Variants in STOX1 observed in about 807,000 individuals in gnomAD.
STOX1 encodes storkhead box 1.
A neutral mutation model predicts 74.8 loss-of-function variants in STOX1; 57 were observed. The ratio of observed to expected loss-of-function variants is 0.76; its 90% confidence interval spans 0.62 to 0.95. STOX1 has a LOEUF of 0.95. Among genes scored for constraint, STOX1 ranks in the 40% least tolerant of loss-of-function variants. The pLI, the probability that STOX1 is intolerant of heterozygous loss-of-function variation, is 0.00. For synonymous variants in STOX1, 375 were observed against 401.3 expected (o/e 0.93, Z 0.78); for missense variants, 1,010 against 1,117.0 (o/e 0.90, Z 1.37).
chr10:68,855,866 G>C (rs34199438), intron 1 of STOX1, among the ~76,000 whole-genome samples: 3 of 152,060 alleles, frequency 2.0e-5, no homozygotes, highest in Non-Finnish European at 4.4e-5. Flanking sequence ...CTTGTTTTCA[G>C]AGGGACTTCC....
At chr10:68,858,648 A>G (rs1468283029) in intron 1 of STOX1, among the ~76,000 whole-genome samples, 2 of 152,096 alleles carry the variant, frequency 1.3e-5, no homozygotes, top group Non-Finnish European at 2.9e-5. Flanking sequence ...AAACTCAGTG[A>G]TGCTTTCCAG....
At position 68,885,827 on chromosome 10, in the gene STOX1, C is replaced by G. The variant is rs549672857; in HGVS notation, c.2031C>G (p.Gly677=). ...TTGGCCTTTTGGATTACCCAGTTGG[C>G]GTGAACCCTTTAAGACAAGCTGCAA... ...QNLGLLDYPV[G]VNPLRQAARQ... is the part of the protein sequence containing the mutation. The change falls in exon 3 of 4, where the codon GGC becomes GGG. Residue 677 remains glycine (G), a synonymous_variant. Coordinates refer to ENST00000298596, the MANE Select transcript of STOX1 (RefSeq NM_152709.5). The G allele has an allele frequency of 1.2e-6, 2 of 1,613,962 alleles. No individual in the cohort carries two copies. Among genetic ancestry groups the G allele is most frequent in the East Asian group, 4.5e-5 (2 of 44,878 alleles).
chr10:68,884,649 T>G lies in STOX1; in HGVS notation c.853T>G (p.Ser285Ala). Residue 285 changes from serine to alanine, a missense_variant, in exon 3 of 4, where the codon TCA (serine) becomes GCA (alanine). Physicochemically the swap from Ser to Ala is moderately conservative, Grantham distance 99. Coordinates refer to ENST00000298596, the MANE Select transcript of STOX1 (RefSeq NM_152709.5). ...ATCTTGGGTACAGAATGGGGCAGTT[T>G]CAGTGTCTGCGGAGCACCACATTTG... is the stretch of plus-strand genomic sequence containing the variant. ...SVSWVQNGAV[S>A]VSAEHHICES... is the part of the protein sequence containing the mutation. 2 of 1,614,126 alleles carry G rather than the reference T, an allele frequency of 1.2e-6. No homozygotes were observed. The highest frequency in any genetic ancestry group is 1.7e-6 in the Non-Finnish European group (2 of 1,180,046).
In STOX1 at chr10:68,884,776, A is replaced by C. The variant is rs777685209; in HGVS notation, c.980A>C (p.Lys327Thr). Residue 327 changes from lysine to threonine, a missense_variant, in exon 3 of 4, where the codon AAA becomes ACA. Coordinates refer to ENST00000298596, the MANE Select transcript of STOX1 (RefSeq NM_152709.5). ...AGCTTATCTAGAAAGGAGAAGCCCAAAACAGAACACAGCAGTTTCTCTGCT... is the reference window on the plus strand; with the variant it reads ...AGCTTATCTAGAAAGGAGAAGCCCACAACAGAACACAGCAGTTTCTCTGCT... The part of the protein sequence containing the change: ...WRSLSRKEKP[K>T]TEHSSFSAQF... 6.2e-7 allele frequency: 1 copy of C among 1,614,214 alleles called. No homozygotes were observed. Among genetic ancestry groups the C allele is most frequent in the Non-Finnish European group, 8.5e-7 (1 of 1,180,030 alleles).
Position 68,884,495 on chromosome 10 carries a change from G to T in STOX1, c.699G>T (p.Glu233Asp). The T allele has an allele frequency of 6.2e-7, 1 of 1,613,808 alleles. No individual in the cohort carries two copies. Among genetic ancestry groups the T allele is most frequent in the South Asian group, 1.1e-5 (1 of 91,090 alleles). ...SMESCAESAQ[E>D]NAAPISHCQS... ...AGAGCTGTGCAGAGTCAGCCCAAGAGAATGCTGCCCCCATATCCCACTGTC... is the reference window on the plus strand; with the variant it reads ...AGAGCTGTGCAGAGTCAGCCCAAGATAATGCTGCCCCCATATCCCACTGTC... Residue 233 changes from glutamate to aspartate, a missense_variant, in exon 3 of 4, where the codon GAG (glutamate) becomes GAT (aspartate). Transcript: ENST00000298596.
intron 1 of STOX1, among the ~76,000 whole-genome samples, chr10:68,830,834 A>T (rs1326183145): frequency 6.6e-6 from 1 of 152,146 alleles, no homozygotes; most frequent in Non-Finnish European, 1.5e-5. Flanking sequence ...ATGGATACAC[A>T]TGGGGGACAA....
At chr10:68,834,421 C>G (rs1268616770) in intron 1 of STOX1, among the ~76,000 whole-genome samples, 4 of 152,076 alleles carry the variant, frequency 2.6e-5, no homozygotes, top group Non-Finnish European at 5.9e-5. Context: ...GGAGTGTGTA[C>G]AAATGGTAAG....
chr10:68,863,956 G>GCT (rs942858785), intron 1 of STOX1, among the ~76,000 whole-genome samples: 5 of 139,282 alleles, frequency 3.6e-5, no homozygotes, highest in African/African-American at 1.1e-4. Flanking sequence ...ACAAAGTCTC[G>GCT]CTCTCTCACC....
intron 1 of STOX1, among the ~76,000 whole-genome samples, chr10:68,872,115 C>T (rs571832655): frequency 3.3e-5 from 5 of 152,106 alleles, no homozygotes; most frequent in South Asian, 2.1e-4. Context: ...TCAATACAGG[C>T]GCCCAGAAAG....
In STOX1 at chr10:68,885,024, G is replaced by T. The variant is rs1375519662; in HGVS notation, c.1228G>T (p.Glu410Ter). The change falls in exon 3 of 4, where the codon GAG becomes TAG. Residue 410 changes from glutamate (E) to a stop codon, truncating the protein, a stop_gained. Transcript: ENST00000298596. LOFTEE classifies it high-confidence loss of function. ...AATCGGGCATAAGTATCCTTCAAAAGAGGGGGTTAAGAAAAGGCAGGGTCT... is the reference window on the plus strand; with the variant it reads ...AATCGGGCATAAGTATCCTTCAAAATAGGGGGTTAAGAAAAGGCAGGGTCT... ...LTIGHKYPSK[E>*]GVKKRQGLSA... The T allele has an allele frequency of 6.2e-7, 1 of 1,614,172 alleles. No individual in the cohort carries two copies.
At chr10:68,842,240 C>T (rs904690186) in intron 1 of STOX1, among the ~76,000 whole-genome samples, 1 of 152,132 alleles carries the variant, frequency 6.6e-6, no homozygotes, top group Admixed American at 6.6e-5. Context: ...GTTTGGACAT[C>T]CCATAGGTTC....
intron 1 of STOX1, among the ~76,000 whole-genome samples, chr10:68,860,340 G>C (rs1258011884): frequency 6.6e-6 from 1 of 151,674 alleles, no homozygotes; most frequent in Non-Finnish European, 1.5e-5. Flanking sequence ...GGGAGGCTGA[G>C]GCAGGTGGAT....
chr10:68,879,711 C>T (rs753015565), intron 1 of STOX1, among the ~76,000 whole-genome samples: 29 of 152,174 alleles, frequency 1.9e-4, no homozygotes, highest in Non-Finnish European at 2.6e-4. Context: ...TGGTCTAGAG[C>T]AGTGGTTTCC....
intron 1 of STOX1, among the ~76,000 whole-genome samples, chr10:68,841,484 C>T (rs893031077): frequency 1.3e-5 from 2 of 151,982 alleles, no homozygotes; most frequent in African/African-American, 4.8e-5. Context: ...ACATATCTGC[C>T]TCCATTTTTA....
Position 68,886,211 on chromosome 10 carries a change from G to A in STOX1, c.2415G>A (p.Leu805=). 1 of 1,614,216 alleles carries A rather than the reference G, an allele frequency of 6.2e-7. No individual in the cohort carries two copies. The highest frequency in any genetic ancestry group is 1.7e-5 in the Admixed American group (1 of 60,028). Residue 805 remains leucine (L), a synonymous_variant, in exon 3 of 4, where the codon CTG becomes CTA. Coordinates refer to ENST00000298596, the MANE Select transcript of STOX1 (RefSeq NM_152709.5). ...KRNECYKPTG[L]HATPGESQEP... is the part of the protein sequence containing the mutation. Reference sequence around the variant, plus strand: ...ATGAATGCTACAAACCCACTGGGCTGCATGCTACCCCAGGTGAAAGCCAAG... The same window carrying A: ...ATGAATGCTACAAACCCACTGGGCTACATGCTACCCCAGGTGAAAGCCAAG...
chr10:68,855,308 A>G (rs986417936), intron 1 of STOX1, among the ~76,000 whole-genome samples: 4 of 151,834 alleles, frequency 2.6e-5, no homozygotes, highest in Non-Finnish European at 5.9e-5. Flanking sequence ...TTTAGTACAG[A>G]CGAGGTTTTG....
rs200461358 is a variant in STOX1, at chr10:68,852,248, G to GATTTTTTTTTTTTTTTT, written c.310+24315_310+24316insATTTTTTTTTTTTTTTT. On this transcript the variant is annotated intron_variant, in intron 1 of 3. Coordinates refer to ENST00000298596, the MANE Select transcript of STOX1 (RefSeq NM_152709.5). The stretch of plus-strand genomic sequence containing the variant: ...TATGAGTTTAAGTTTTTCTCTTACT[G>GATTTTTTTTTTTTTTTT]CTTTTTTTTTTTTTTTTTTTTGAGA... Among the ~76,000 whole-genome samples the GATTTTTTTTTTTTTTTT allele has an allele frequency of 3.0e-5, 4 of 132,210 alleles. 1 individual carries two copies. The allele number at this position is 132,210 out of a possible 152,430, so 86.7% of individuals were successfully genotyped here.
intron 1 of STOX1, among the ~76,000 whole-genome samples, chr10:68,844,624 C>T (rs952978198): frequency 1.3e-5 from 2 of 151,912 alleles, no homozygotes; most frequent in African/African-American, 4.8e-5. Flanking sequence ...AAGTGTCTGT[C>T]GAAATGTTTT....
At chr10:68,891,813 A>AC (rs1485872637) in intron 3 of STOX1, among the ~76,000 whole-genome samples, 3 of 149,830 alleles carry the variant, frequency 2.0e-5, no homozygotes, top group African/African-American at 7.3e-5. Flanking sequence ...AAAAAAAAAA[A>AC]AGCAAAAATA....
Sources: gnomAD v4.1 joint callset for allele counts (sites outside exome capture counted in the v4.1 genomes callset) on GRCh38, gnomAD v4.1.1 for gene constraint, MANE v1.5 for transcripts, NCBI Gene and HGNC (gene_info 2026-07-23, HGNC 2026-07-21) for gene names.